Variants in FMNL2 observed in about 807,000 individuals in gnomAD.
FMNL2 encodes formin like 2.
Under a neutral mutation model 130.2 loss-of-function variants are expected in FMNL2, and 51 were observed. The observed-to-expected ratio is 0.39, with a 90% CI of 0.31 to 0.49. FMNL2 has a LOEUF of 0.49. Among genes scored for constraint, FMNL2 ranks in the 20% least tolerant of loss-of-function variants. The probability of loss-of-function intolerance (pLI) is 0.85; values close to 1 mark genes in which losing one functional copy is unlikely to be tolerated. For missense variants in FMNL2, 977 were observed against 1,316.2 expected, an observed-to-expected ratio of 0.74 and a Z score of 3.99; for synonymous variants, 465 against 467.1, an observed-to-expected ratio of 1.00 and a Z score of 0.06.
intron 2 of FMNL2, among the ~76,000 whole-genome samples, chr2:152,522,938 T>C (rs1395698311): frequency 1.3e-5 from 2 of 152,222 alleles, no homozygotes; most frequent in Admixed American, 1.3e-4. Flanking sequence ...ACCAACCTTA[T>C]TTGTGAAGCC....
chr2:152,485,555 T>C (rs1250667927), intron 1 of FMNL2, among the ~76,000 whole-genome samples: 2 of 152,194 alleles, frequency 1.3e-5, no homozygotes, highest in Admixed American at 1.3e-4. Flanking sequence ...CATAGATAGA[T>C]AGATAGATAT....
At chr2:152,462,446 GT>G (rs555530787) in intron 1 of FMNL2, among the ~76,000 whole-genome samples, 1 of 152,130 alleles carries the variant, frequency 6.6e-6, no homozygotes, top group Non-Finnish European at 1.5e-5. Flanking sequence ...ACACATTCTG[GT>G]TTAATTGATG....
chr2:152,469,162 T>C (rs1329865570), intron 1 of FMNL2, among the ~76,000 whole-genome samples: 1 of 152,202 alleles, frequency 6.6e-6, no homozygotes, highest in Admixed American at 6.5e-5. Flanking sequence ...CAATTAAGCA[T>C]ATGAAGCCCT....
At position 152,647,815 on chromosome 2, in the gene FMNL2, C is replaced by T. The variant is rs377542313; in HGVS notation, c.3189C>T (p.Tyr1063=). 2 of 1,613,934 alleles carry T rather than the reference C, an allele frequency of 1.2e-6. No homozygotes were observed. Among genetic ancestry groups the T allele is most frequent in the African/African-American group, 1.3e-5 (1 of 75,036 alleles). ...TTACAGATCTTAGAAACCAACCATA[C>T]AGACGAGCCGATGCGGTGAGGAGAA... ...DIITDLRNQP[Y]RRADAVRRSV... Residue 1063 remains tyrosine (Y), a synonymous_variant, in exon 26 of 26, where the codon TAC becomes TAT. Transcript: ENST00000288670.
At chr2:152,631,392 CAAAAAAAA>C (rs33966314) in intron 20 of FMNL2, among the ~76,000 whole-genome samples, 4 of 77,248 alleles carry the variant, frequency 5.2e-5, no homozygotes, top group Non-Finnish European at 7.1e-5. Flanking sequence ...GACTCCATCT[CAAAAAAAA>C]AAAAAAAAAA....
intron 1 of FMNL2, among the ~76,000 whole-genome samples, chr2:152,431,509 A>G (rs1027932047): frequency 6.6e-6 from 1 of 152,236 alleles, no homozygotes; most frequent in Non-Finnish European, 1.5e-5. Context: ...TAGCTGCTGA[A>G]AAAATAGCAA....
At chr2:152,589,191 G>C (rs1417097448) in intron 9 of FMNL2, among the ~76,000 whole-genome samples, 1 of 151,784 alleles carries the variant, frequency 6.6e-6, no homozygotes, top group Non-Finnish European at 1.5e-5. Flanking sequence ...TACAAATGTA[G>C]AGATGCTTTG....
intron 1 of FMNL2, among the ~76,000 whole-genome samples, chr2:152,430,883 A>G (rs1687458648): frequency 6.6e-6 from 1 of 151,758 alleles, no homozygotes; most frequent in African/African-American, 2.4e-5. Context: ...GAAAATATAT[A>G]TATATATATG....
At chr2:152,602,915 T>C (rs908136119) in intron 9 of FMNL2, among the ~76,000 whole-genome samples, 2 of 152,200 alleles carry the variant, frequency 1.3e-5, no homozygotes, top group African/African-American at 4.8e-5. Flanking sequence ...ACCATGATGG[T>C]CCTGTTTCAC....
At chr2:152,592,190 A>G (rs979861151) in intron 9 of FMNL2, among the ~76,000 whole-genome samples, 2 of 152,240 alleles carry the variant, frequency 1.3e-5, no homozygotes, top group African/African-American at 2.4e-5. Context: ...ATAGGTATTT[A>G]GTTGAGGACC....
chr2:152,338,292 C>G (rs1195306197), intron 1 of FMNL2, among the ~76,000 whole-genome samples: 1 of 152,104 alleles, frequency 6.6e-6, no homozygotes, highest in Non-Finnish European at 1.5e-5. Context: ...AGTGTCTAAG[C>G]ACCTCATTGT....
At chr2:152,463,867 AAC>A (rs1426735097) in intron 1 of FMNL2, among the ~76,000 whole-genome samples, 1 of 152,190 alleles carries the variant, frequency 6.6e-6, no homozygotes, top group Non-Finnish European at 1.5e-5. Flanking sequence ...TTTGGAGAAA[AAC>A]ACTTCAAACC....
At chr2:152,453,159 A>G (rs1405962495) in intron 1 of FMNL2, among the ~76,000 whole-genome samples, 2 of 140,480 alleles carry the variant, frequency 1.4e-5, no homozygotes, top group Non-Finnish European at 3.1e-5. Flanking sequence ...CCAAGATCGC[A>G]CCAGTACACT....
chr2:152,570,028 A>G (rs1362775351), intron 6 of FMNL2, among the ~76,000 whole-genome samples: 1 of 152,136 alleles, frequency 6.6e-6, no homozygotes, highest in East Asian at 1.9e-4. Context: ...AAAGAAAAGA[A>G]AAGATATTTG....
intron 1 of FMNL2, among the ~76,000 whole-genome samples, chr2:152,369,762 C>G (rs1169223984): frequency 1.1e-4 from 16 of 152,318 alleles, no homozygotes; most frequent in East Asian, 1.9e-4. Context: ...CAGGGTTGTT[C>G]TTACTGCTGC....
chr2:152,421,161 TACA>T (rs1686897152), intron 1 of FMNL2, among the ~76,000 whole-genome samples: 1 of 151,312 alleles, frequency 6.6e-6, no homozygotes, highest in Non-Finnish European at 1.5e-5. Flanking sequence ...TGTCAGTGGG[TACA>T]ACACTTCTGT....
intron 9 of FMNL2, among the ~76,000 whole-genome samples, chr2:152,598,676 C>A (rs879538682): frequency 6.6e-6 from 1 of 152,002 alleles, no homozygotes; most frequent in African/African-American, 2.4e-5. Context: ...GGTGACAGAG[C>A]GAGACTCTGT....
intron 1 of FMNL2, among the ~76,000 whole-genome samples, chr2:152,431,327 T>G (rs1376286253): frequency 6.6e-6 from 1 of 152,180 alleles, no homozygotes; most frequent in Non-Finnish European, 1.5e-5. Flanking sequence ...TCAGAGAAAT[T>G]GAGTTAATCT....
At chr2:152,585,657 CT>C (rs1342629900) in intron 9 of FMNL2, among the ~76,000 whole-genome samples, 6 of 152,080 alleles carry the variant, frequency 3.9e-5, no homozygotes, top group Non-Finnish European at 8.8e-5. Context: ...TCTGGTCATG[CT>C]TTTTCTTCTC....
Sources: gnomAD v4.1 joint callset for allele counts (sites outside exome capture counted in the v4.1 genomes callset) on GRCh38, gnomAD v4.1.1 for gene constraint, MANE v1.5 for transcripts, NCBI Gene and HGNC (gene_info 2026-07-23, HGNC 2026-07-21) for gene names.